The following MSH3 variants were observed in gnomAD, a reference collection of about 807,000 sequenced individuals.
MSH3 encodes mutS homolog 3, also known as DNA mismatch repair protein Msh3.
Under a neutral mutation model 123.3 loss-of-function variants are expected in MSH3, and 106 were observed. The ratio of observed to expected loss-of-function variants is 0.86; its 90% confidence interval spans 0.73 to 1.01. The LOEUF (loss-of-function observed/expected upper bound fraction) is 1.01. MSH3 is among the 50% of genes least tolerant of loss of function. The probability of loss-of-function intolerance (pLI) is 0.00; values close to 1 mark genes in which losing one functional copy is unlikely to be tolerated. For missense variants in MSH3, 1,459 were observed against 1,347.6 expected, an observed-to-expected ratio of 1.08 and a Z score of -1.29; for synonymous variants, 515 against 481.4, an observed-to-expected ratio of 1.07 and a Z score of -0.91.
Position 80,739,460 on chromosome 5 carries a change from A to G in MSH3, c.1569-2004A>G, listed in dbSNP as rs1023702818. 1.1e-4 allele frequency among the ~76,000 whole-genome samples: 17 copies of G among 152,252 alleles called. 1 individual carries two copies. The highest frequency in any genetic ancestry group is 3.9e-4 in the African/African-American group (16 of 41,472). On this transcript the variant is annotated intron_variant, in intron 10 of 23. Transcript: ENST00000265081. ...ACCCAACCTGGTTTTCCCTAGGAAG[A>G]TGGCAGATATTTGTAGACCCTCTAC...
At chr5:80,704,501 G>A (rs1031976684) in intron 8 of MSH3, among the ~76,000 whole-genome samples, 1 of 152,116 alleles carries the variant, frequency 6.6e-6, no homozygotes, top group Non-Finnish European at 1.5e-5. Flanking sequence ...GTGGCTTAGG[G>A]TATCTGTATG....
chr5:80,661,598 A>T lies in MSH3; in HGVS notation c.359-3545A>T, dbSNP rs187472777. ...TCTTTTTGCTCATGTTTTCCTTTAC[A>T]TTCTTAATTATATGGAGCATATTTA... is the stretch of plus-strand genomic sequence containing the variant. On this transcript the variant is annotated intron_variant, in intron 2 of 23. Transcript: ENST00000265081. Among the ~76,000 whole-genome samples, 1,396 of 152,276 alleles carry T rather than the reference A, an allele frequency of 9.2e-3. 14 individuals are homozygous for T. The highest frequency in any genetic ancestry group is 0.015 in the Non-Finnish European group (990 of 68,014).
At chr5:80,784,241 GGAAAT>G (rs1480467866) in intron 17 of MSH3, among the ~76,000 whole-genome samples, 2 of 37,154 alleles carry the variant, frequency 5.4e-5, no homozygotes, top group South Asian at 7.7e-4. Context: ...AAAAAAAAAG[GGAAAT>G]AAATAAATAA....
At chr5:80,776,930 T>TATA (rs1451848777) in intron 16 of MSH3, among the ~76,000 whole-genome samples, 1,185 of 114,598 alleles carry the variant, frequency 0.01, 9 homozygotes, top group Middle Eastern at 0.033. Flanking sequence ...ATATATATAT[T>TATA]TTTTTTTTTT....
intron 8 of MSH3, among the ~76,000 whole-genome samples, chr5:80,706,463 C>G (rs1750726086): frequency 6.6e-6 from 1 of 152,164 alleles, no homozygotes; most frequent in Non-Finnish European, 1.5e-5. Context: ...TATGGCCTTT[C>G]TTGCTTTTTC....
At chr5:80,822,751 C>G (rs1248916646) in intron 20 of MSH3, among the ~76,000 whole-genome samples, 2 of 152,206 alleles carry the variant, frequency 1.3e-5, no homozygotes, top group South Asian at 2.1e-4. Context: ...ACCACCCACA[C>G]AGAATGGGAT....
In MSH3 at chr5:80,762,425, A is replaced by ATG. The variant is rs567946154; in HGVS notation, c.1896+755_1896+756dup. 3.5e-3 allele frequency among the ~76,000 whole-genome samples: 527 copies of ATG among 151,880 alleles called. 2 individuals carry two copies. The highest frequency in any genetic ancestry group is 0.012 in the African/African-American group (504 of 41,462). On this transcript the variant is annotated intron_variant, in intron 13 of 23. Coordinates refer to ENST00000265081, the MANE Select transcript of MSH3 (RefSeq NM_002439.5). ...TAAGAAATTATATCTAATGCTATAT[A>ATG]TGTGTGTGTATATATATATGTATAT...
chr5:80,823,505 T>C (rs1021158005), intron 20 of MSH3, among the ~76,000 whole-genome samples: 24 of 152,326 alleles, frequency 1.6e-4, no homozygotes, highest in Admixed American at 1.5e-3. Context: ...ACCCTAGTTC[T>C]TCTTCCTTTA....
At chr5:80,835,398 T>A (rs1745491198) in intron 20 of MSH3, among the ~76,000 whole-genome samples, 1 of 152,074 alleles carries the variant, frequency 6.6e-6, no homozygotes, top group Non-Finnish European at 1.5e-5. Flanking sequence ...GGCTGGAGAA[T>A]GGGCGATCTG....
At chr5:80,711,869 G>C (rs3776970) in intron 8 of MSH3, among the ~76,000 whole-genome samples, 3 of 152,032 alleles carry the variant, frequency 2.0e-5, no homozygotes, top group African/African-American at 7.2e-5. Flanking sequence ...GGCCAGGCTC[G>C]TGTTGAACTC....
At position 80,844,540 on chromosome 5, in the gene MSH3, C is replaced by G. The variant is rs574330678; in HGVS notation, c.2814-9590C>G. Among the ~76,000 whole-genome samples, 3 of 152,228 alleles carry G rather than the reference C, an allele frequency of 2.0e-5. No homozygotes were observed. The East Asian group carries it at 5.8e-4, about 29-fold the overall frequency. ...TATTATTGTGTGGGAGTCTTAGTCT[C>G]TTTGTAGGTGTCTAAGGACTTGCTT... On this transcript the variant is annotated intron_variant, in intron 20 of 23. Coordinates refer to ENST00000265081, the MANE Select transcript of MSH3 (RefSeq NM_002439.5).
At chr5:80,799,244 A>G (rs1261204910) in intron 19 of MSH3, among the ~76,000 whole-genome samples, 1 of 152,014 alleles carries the variant, frequency 6.6e-6, no homozygotes, top group East Asian at 1.9e-4. Context: ...GCCGCTCTCC[A>G]GCTTCATTTT....
At chr5:80,785,253 G>A (rs1285765867) in intron 17 of MSH3, among the ~76,000 whole-genome samples, 8 of 152,136 alleles carry the variant, frequency 5.3e-5, no homozygotes, top group Admixed American at 2.0e-4. Flanking sequence ...TTAAAAGGTC[G>A]TACAGAATAT....
At chr5:80,868,851 C>T (rs938840498) in intron 22 of MSH3, among the ~76,000 whole-genome samples, 1 of 151,792 alleles carries the variant, frequency 6.6e-6, no homozygotes, top group Non-Finnish European at 1.5e-5. Context: ...GATTGAAAAC[C>T]ATTTCACTCA....
chr5:80,675,916 G>A (rs1749828495), intron 7 of MSH3, among the ~76,000 whole-genome samples: 1 of 152,192 alleles, frequency 6.6e-6, no homozygotes, highest in Admixed American at 6.5e-5. Flanking sequence ...AGATTTGGAG[G>A]AGGGGATAGT....
At chr5:80,815,746 G>C (rs1044047620) in intron 20 of MSH3, among the ~76,000 whole-genome samples, 7 of 152,100 alleles carry the variant, frequency 4.6e-5, no homozygotes, top group African/African-American at 1.7e-4. Flanking sequence ...ACCTTTCACT[G>C]ACCAGAACTG....
intron 19 of MSH3, among the ~76,000 whole-genome samples, chr5:80,802,689 T>G (rs1446965147): frequency 6.6e-6 from 1 of 152,178 alleles, no homozygotes; most frequent in East Asian, 1.9e-4. Context: ...AACTATATGT[T>G]TGTACCCAAG....
chr5:80,846,392 T>C (rs1745721435), intron 20 of MSH3, among the ~76,000 whole-genome samples: 1 of 151,960 alleles, frequency 6.6e-6, no homozygotes, highest in Non-Finnish European at 1.5e-5. Context: ...GTCTGTCCCT[T>C]CTCGGAGGTC....
chr5:80,826,653 A>T lies in MSH3; in HGVS notation c.2813+12912A>T, dbSNP rs189544747. ...AACCTCTACCTCCTGGGTTCAAGCG[A>T]TTCTCCTGCCTCAGCCTCCCAAGTA... On this transcript the variant is annotated intron_variant, in intron 20 of 23. Coordinates refer to ENST00000265081, the MANE Select transcript of MSH3 (RefSeq NM_002439.5). 1.8e-3 allele frequency among the ~76,000 whole-genome samples: 274 copies of T among 150,944 alleles called. 2 individuals carry two copies. Among genetic ancestry groups the T allele is most frequent in the African/African-American group, 6.4e-3 (261 of 41,076 alleles).
Sources: allele counts gnomAD v4.1 joint callset (sites outside exome capture counted in the v4.1 genomes callset), GRCh38; gene constraint gnomAD v4.1.1; transcripts MANE v1.5; gene names NCBI Gene and HGNC (gene_info 2026-07-23, HGNC 2026-07-21).